The following PARVB variants were observed in gnomAD, a reference collection of about 807,000 sequenced individuals.
PARVB encodes parvin beta, also known as beta-parvin.
PARVB carries 46 observed loss-of-function variants against 47.0 expected under a neutral mutation model. The ratio of observed to expected loss-of-function variants is 0.98; its 90% CI spans 0.77 to 1.25. PARVB has a LOEUF of 1.25. Ranked by LOEUF, PARVB falls within the 50% of genes most tolerant of loss-of-function variation. PARVB has a pLI of 0.00. For synonymous variants in PARVB, 196 were observed against 196.3 expected (o/e 1.00, Z 0.01); for missense variants, 473 against 471.6 (o/e 1.00, Z -0.03).
Position 44,112,389 on chromosome 22 carries a change from C to G in PARVB, c.274-6649C>G, listed in dbSNP as rs995201287. 2.0e-5 allele frequency: 3 copies of G among 152,440 alleles called. No homozygotes were observed. In the East Asian group the frequency reaches 5.8e-4, roughly 29 times the overall value. The allele number at this position is 152,440 out of a possible 1,614,324, so 9.4% of individuals were successfully genotyped here. A position where few individuals can be genotyped will look rare whatever the true frequency, so the allele number is the denominator to read the frequency against. On this transcript the variant is annotated intron_variant, in intron 3 of 12. Coordinates refer to ENST00000338758, the MANE Select transcript of PARVB (RefSeq NM_013327.5). The stretch of plus-strand genomic sequence containing the variant: ...CTCAGCCTGGGGGAGAGTCCAGGGT[C>G]GGCCCTGTCCCCCTCCCCCCACTCC...
Position 44,096,776 on chromosome 22 carries a change from C to T in PARVB, c.202+2759C>T, listed in dbSNP as rs77150377. On this transcript the variant is annotated intron_variant, in intron 2 of 12. Transcript: ENST00000338758. ...TAGGACAGGTCCCTGTCCTTGGGCA[C>T]GTTTTATTGCAGCTGGCTATGACGC... Among the ~76,000 whole-genome samples the T allele has an allele frequency of 8.4e-3, 1,281 of 152,214 alleles. 23 individuals are homozygous for T. Among genetic ancestry groups the T allele is most frequent in the African/African-American group, 0.029 (1,223 of 41,522 alleles).
At chr22:44,118,951 C>A (rs1341505262) in intron 3 of PARVB, 87 bp from the exon 4 acceptor site, 5 of 880,266 alleles carry the variant, frequency 5.7e-6, no homozygotes, top group African/African-American at 1.6e-5. Flanking sequence ...CAGAGCTGTG[C>A]AGTCTCTGTT....
intron 1 of PARVB, among the ~76,000 whole-genome samples, chr22:44,048,238 C>A (rs1242019161): frequency 6.6e-6 from 1 of 152,294 alleles, no homozygotes; most frequent in East Asian, 1.9e-4. Flanking sequence ...ACTGAAAGCA[C>A]TTGTCTCGTT....
intron 1 of PARVB, among the ~76,000 whole-genome samples, chr22:44,051,173 C>T (rs918222399): frequency 2.7e-4 from 41 of 152,220 alleles, no homozygotes; most frequent in African/African-American, 9.4e-4. Context: ...ACCACCAGCT[C>T]GTGGAAAAGG....
intron 3 of PARVB, chr22:44,116,089 C>T (rs2052895086): frequency 6.6e-6 from 1 of 152,378 alleles, no homozygotes; most frequent in African/African-American, 2.4e-5. Flanking sequence ...CAGGACACCA[C>T]ATTGCATTCA....
At chr22:44,054,643 G>A (rs915996520) in intron 1 of PARVB, among the ~76,000 whole-genome samples, 4 of 152,166 alleles carry the variant, frequency 2.6e-5, no homozygotes, top group South Asian at 4.1e-4. Flanking sequence ...GGATAACAGC[G>A]ATGGTGGCAC....
chr22:44,045,854 A>G lies in PARVB; in HGVS notation c.112+21403A>G, dbSNP rs369929331. ...GCAGTACGTTTTGAAATTGGCAAATATGACACTTCCCACTTTGTTCTTCAA... is the reference window on the plus strand; with the variant it reads ...GCAGTACGTTTTGAAATTGGCAAATGTGACACTTCCCACTTTGTTCTTCAA... On this transcript the variant is annotated intron_variant, in intron 1 of 12. Coordinates refer to ENST00000338758, the MANE Select transcript of PARVB (RefSeq NM_013327.5). 9.8e-5 allele frequency among the ~76,000 whole-genome samples: 15 copies of G among 152,328 alleles called. 1 individual carries two copies. The South Asian group carries it at 1.0e-3, about 11-fold the overall frequency.
chr22:44,128,551 C>G lies in PARVB; in HGVS notation c.377-2936C>G, dbSNP rs545831924. On this transcript the variant is annotated intron_variant, in intron 4 of 12. Transcript: ENST00000338758. ...AAGGCAGCACACAGGCATGGCCAGT[C>G]TCTTTGGTCTCTGTTGCCTGCTGTT... Among the ~76,000 whole-genome samples the G allele has an allele frequency of 1.4e-4, 22 of 152,376 alleles. No individual in the cohort carries two copies. In the East Asian group the frequency reaches 4.0e-3, roughly 28 times the overall value.
chr22:44,069,839 C>T (rs1210575458), intron 1 of PARVB, among the ~76,000 whole-genome samples: 2 of 152,154 alleles, frequency 1.3e-5, no homozygotes, highest in African/African-American at 2.4e-5. Context: ...ATGGGTTTCT[C>T]GTTAGTGGTC....
chr22:44,158,143 C>T, intron 11 of PARVB, 60 bp downstream of exon 11: 2 of 1,147,166 alleles, frequency 1.7e-6, no homozygotes, highest in South Asian at 2.5e-5. Context: ...AAATGCAGAG[C>T]ATAGACTATC....
At chr22:44,037,989 G>T (rs2050950554) in intron 1 of PARVB, among the ~76,000 whole-genome samples, 1 of 152,198 alleles carries the variant, frequency 6.6e-6, no homozygotes, top group South Asian at 2.1e-4. Context: ...TTCTCCCTTG[G>T]CCTGGCCATG....
intron 4 of PARVB, among the ~76,000 whole-genome samples, chr22:44,123,170 G>C (rs1266667882): frequency 6.6e-6 from 1 of 152,206 alleles, no homozygotes; most frequent in East Asian, 1.9e-4. Flanking sequence ...CAGACATGAT[G>C]TAATATTTCC....
upstream of PARVB, among the ~76,000 whole-genome samples, chr22:44,020,112 G>A (rs913529439): frequency 6.6e-6 from 1 of 151,982 alleles, no homozygotes; most frequent in East Asian, 1.9e-4. Context: ...ATTCCAGCAT[G>A]GTCCATCTGC....
chr22:44,048,480 T>G (rs1161925971), intron 1 of PARVB, among the ~76,000 whole-genome samples: 1 of 152,178 alleles, frequency 6.6e-6, no homozygotes, highest in Admixed American at 6.5e-5. Flanking sequence ...CCAGCAATTT[T>G]CCTGCTCTAG....
At chr22:44,116,603 G>A (rs556546373) in intron 3 of PARVB, among the ~76,000 whole-genome samples, 2 of 152,304 alleles carry the variant, frequency 1.3e-5, no homozygotes, top group African/African-American at 2.4e-5. Context: ...CTGGTGCTGC[G>A]GACAGAGCCA....
Position 44,100,122 on chromosome 22 carries a change from A to G in PARVB, c.272A>G (p.Lys91Arg), listed in dbSNP as rs1411121918. The change falls in exon 3 of 13, where the codon AAG becomes AGG. Residue 91 changes from lysine (K) to arginine (R), a missense_variant and splice_region_variant. Coordinates refer to ENST00000338758, the MANE Select transcript of PARVB (RefSeq NM_013327.5). Reference sequence around the variant, plus strand: ...GACCCCAAGTTCAAGGAACTGGTCAAGGTAAGGAGCTCCGTCTTGGTTGGA... The same window carrying G: ...GACCCCAAGTTCAAGGAACTGGTCAGGGTAAGGAGCTCCGTCTTGGTTGGA... ...KEDPKFKELV[K>R]VLLDWINDVL... is the part of the protein sequence containing the mutation. 1 of 1,612,376 alleles carries G rather than the reference A, an allele frequency of 6.2e-7. No individual in the cohort carries two copies. The highest frequency in any genetic ancestry group is 1.1e-5 in the South Asian group (1 of 91,054).
chr22:44,118,013 C>T (rs1202695798), intron 3 of PARVB, among the ~76,000 whole-genome samples: 2 of 152,156 alleles, frequency 1.3e-5, no homozygotes, highest in South Asian at 2.1e-4. Context: ...GTGTATCACC[C>T]GGTGAACTGA....
chr22:44,110,406 T>A (rs543373703), intron 3 of PARVB: 2 of 152,192 alleles, frequency 1.3e-5, no homozygotes, highest in Admixed American at 1.3e-4. Context: ...GACTTGAGAC[T>A]TATCTTGGAC....
At chr22:44,144,532 T>A (rs1056881928) in intron 8 of PARVB, 6 of 152,274 alleles carry the variant, frequency 3.9e-5, no homozygotes, top group African/African-American at 1.4e-4. Flanking sequence ...GTACCGTGGC[T>A]CACACCTGTA....
Sources: gnomAD v4.1 joint callset for allele counts (sites outside exome capture counted in the v4.1 genomes callset) on GRCh38, gnomAD v4.1.1 for gene constraint, MANE v1.5 for transcripts, NCBI Gene and HGNC (gene_info 2026-07-23, HGNC 2026-07-21) for gene names.